Variants in RRAS2 observed in about 807,000 individuals in gnomAD.
RRAS2 encodes the protein RAS related 2.
In RRAS2, 7 loss-of-function variants were observed where a neutral mutation model predicts 27.6. The observed-to-expected ratio is 0.25, with a 90% CI of 0.14 to 0.48. RRAS2 has a LOEUF of 0.48. Ranked by LOEUF, RRAS2 falls within the 20% of genes least tolerant of loss-of-function variation. The probability of loss-of-function intolerance (pLI) is 0.99; values close to 1 mark genes in which losing one functional copy is unlikely to be tolerated. For missense variants in RRAS2, 178 were observed against 256.2 expected (o/e 0.69, Z 2.08); for synonymous variants, 86 against 90.9 (o/e 0.95, Z 0.31).
chr11:14,355,966 T>C (rs1554955367), intron 1 of RRAS2, among the ~76,000 whole-genome samples: 2 of 152,200 alleles, frequency 1.3e-5, no homozygotes, highest in African/African-American at 4.8e-5. Context: ...AGCTCCATAA[T>C]CTAAAATTAA....
Position 14,333,689 on chromosome 11 carries a change from T to C in RRAS2, c.108+25074A>G, listed in dbSNP as rs1190439168. 2.1e-5 allele frequency among the ~76,000 whole-genome samples: 3 copies of C among 140,206 alleles called. No homozygotes were observed. The East Asian group carries it at 7.6e-4, about 36-fold the overall frequency. The allele number at this position is 140,206 out of a possible 152,430, so 92.0% of individuals were successfully genotyped here. A position where few individuals can be genotyped will look rare whatever the true frequency, so the allele number is the denominator to read the frequency against. ...GGAGACAGGTCTCTGTCGCCCAGGC[T>C]GGAGTGCAGTGGCAGCGATCACAGC... On this transcript the variant is annotated intron_variant, in intron 1 of 5. Coordinates refer to ENST00000256196, the MANE Select transcript of RRAS2 (RefSeq NM_012250.6).
At chr11:14,338,343 C>G (rs1848629201) in intron 1 of RRAS2, among the ~76,000 whole-genome samples, 3 of 152,100 alleles carry the variant, frequency 2.0e-5, no homozygotes, top group Admixed American at 2.0e-4. Flanking sequence ...ATACTTGGGA[C>G]TAGAAGTGTT....
chr11:14,341,789 A>T (rs1554953307), intron 1 of RRAS2: 1 of 453,940 alleles, frequency 2.2e-6, no homozygotes, highest in South Asian at 1.6e-5. Flanking sequence ...GTTATGAAAA[A>T]ATATAAATAC....
intron 4 of RRAS2, among the ~76,000 whole-genome samples, chr11:14,285,378 G>A (rs369966838): frequency 6.6e-5 from 10 of 152,040 alleles, no homozygotes; most frequent in East Asian, 3.9e-4. Context: ...GTGAGAACCC[G>A]TCTCTCAAGA....
intron 1 of RRAS2, among the ~76,000 whole-genome samples, chr11:14,348,737 T>C (rs1554954397): frequency 6.6e-6 from 1 of 152,186 alleles, no homozygotes; most frequent in African/African-American, 2.4e-5. Context: ...CAAGCATATT[T>C]TGTATTTTTT....
chr11:14,350,941 G>A (rs1169039281), intron 1 of RRAS2, among the ~76,000 whole-genome samples: 36 of 152,114 alleles, frequency 2.4e-4, no homozygotes, highest in African/African-American at 7.0e-4. Flanking sequence ...TTCCTACCAC[G>A]TAGACTGCTT....
intron 1 of RRAS2, among the ~76,000 whole-genome samples, chr11:14,339,763 G>T (rs1018062918): frequency 6.6e-6 from 1 of 152,110 alleles, no homozygotes; most frequent in African/African-American, 2.4e-5. Flanking sequence ...TTTGATATTT[G>T]AATTTAAATG....
At chr11:14,338,616 G>C (rs1848635679) in intron 1 of RRAS2, among the ~76,000 whole-genome samples, 1 of 152,158 alleles carries the variant, frequency 6.6e-6, no homozygotes, top group Non-Finnish European at 1.5e-5. Flanking sequence ...AAAAGTTTCA[G>C]ATTTTGGAGT....
chr11:14,335,148 T>G (rs1848565124), intron 1 of RRAS2, among the ~76,000 whole-genome samples: 1 of 152,206 alleles, frequency 6.6e-6, no homozygotes, highest in South Asian at 2.1e-4. Flanking sequence ...ATGATTTGTG[T>G]CTCTAGTTCT....
At chr11:14,295,965 G>C in intron 1 of RRAS2, 110 bp from the exon 2 acceptor site, 1 of 915,880 alleles carries the variant, frequency 1.1e-6, no homozygotes, top group Admixed American at 2.2e-5. Context: ...TTGAGGCCAG[G>C]AGTTTGAGAC....
intron 1 of RRAS2, among the ~76,000 whole-genome samples, chr11:14,344,929 A>C (rs1848796813): frequency 6.7e-6 from 1 of 149,384 alleles, no homozygotes; most frequent in African/African-American, 2.5e-5. Context: ...GATACAACTC[A>C]TCTTTCCAAA....
chr11:14,281,520 A>C, intron 5 of RRAS2, 82 bp downstream of exon 5: 1 of 1,106,536 alleles, frequency 9.0e-7, no homozygotes, highest in Non-Finnish European at 1.3e-6. Context: ...CTAGAAAGGA[A>C]TCACTTCCAT....
At chr11:14,302,681 A>G (rs1458075568) in intron 1 of RRAS2, among the ~76,000 whole-genome samples, 2 of 152,166 alleles carry the variant, frequency 1.3e-5, no homozygotes, top group African/African-American at 4.8e-5. Flanking sequence ...CTCGGGATCT[A>G]ATAAGGGCCA....
chr11:14,327,967 G>A (rs1554951266), intron 1 of RRAS2, among the ~76,000 whole-genome samples: 2 of 152,148 alleles, frequency 1.3e-5, no homozygotes. Flanking sequence ...ATGTAGCTGT[G>A]ACAAAGTTAA....
intron 1 of RRAS2, among the ~76,000 whole-genome samples, chr11:14,297,753 C>T (rs1554946848): frequency 6.6e-6 from 1 of 152,102 alleles, no homozygotes; most frequent in East Asian, 1.9e-4. Flanking sequence ...GACAGAATAA[C>T]ACCCTGTCTC....
intron 1 of RRAS2, among the ~76,000 whole-genome samples, chr11:14,325,404 C>T (rs1554950866): frequency 6.6e-6 from 1 of 151,520 alleles, no homozygotes; most frequent in African/African-American, 2.4e-5. Context: ...CTCTGCCTCC[C>T]GGGTTCATGC....
intron 1 of RRAS2, chr11:14,364,353 G>T: frequency 6.5e-7 from 1 of 1,534,418 alleles, no homozygotes; most frequent in Non-Finnish European, 8.7e-7. Context: ...GTTGGCCAAA[G>T]AAGGCCAAGC....
chr11:14,356,850 C>T (rs1010238344), intron 1 of RRAS2: 1 of 413,506 alleles, frequency 2.4e-6, no homozygotes, highest in Non-Finnish European at 4.7e-6. Context: ...TGCCCAGGCA[C>T]AATCTCGGCT....
intron 1 of RRAS2, among the ~76,000 whole-genome samples, chr11:14,310,292 T>C (rs1554948695): frequency 2.0e-5 from 3 of 152,212 alleles, no homozygotes; most frequent in African/African-American, 4.8e-5. Context: ...GAAATGAGTC[T>C]GGGATTCACT....
Sources: gnomAD v4.1 joint callset for allele counts (sites outside exome capture counted in the v4.1 genomes callset) on GRCh38, gnomAD v4.1.1 for gene constraint, MANE v1.5 for transcripts, NCBI Gene and HGNC (gene_info 2026-07-23, HGNC 2026-07-21) for gene names.